The following NTRK3 variants were observed in gnomAD, a reference collection of about 807,000 sequenced individuals.
NTRK3 encodes neurotrophic receptor tyrosine kinase 3.
In NTRK3, 24 loss-of-function variants were observed where a neutral mutation model predicts 91.7. The observed-to-expected ratio is 0.26, with a 90% confidence interval of 0.19 to 0.37. The LOEUF (loss-of-function observed/expected upper bound fraction) is 0.37, where lower values mean the gene tolerates loss of function less well. Ranked by LOEUF, NTRK3 falls within the 10% of genes least tolerant of loss-of-function variation. The probability of loss-of-function intolerance (pLI) is 1.00; values close to 1 mark genes in which losing one functional copy is unlikely to be tolerated. For synonymous variants in NTRK3, 483 were observed against 404.0 expected, an observed-to-expected ratio of 1.20 and a Z score of -2.34; for missense variants, 880 against 1,068.9, an observed-to-expected ratio of 0.82 and a Z score of 2.46.
chr15:87,929,117 T>C (rs765879860), intron 17 of NTRK3, 74 bp downstream of exon 17: 6 of 1,611,302 alleles, frequency 3.7e-6, no homozygotes, highest in Non-Finnish European at 5.1e-6. Context: ...ACAGGGTTAA[T>C]GGACAATGAA....
intron 13 of NTRK3, among the ~76,000 whole-genome samples, chr15:88,094,294 A>G (rs188491638): frequency 0.016 from 2,482 of 151,494 alleles, 47 homozygotes; most frequent in African/African-American, 0.053. Flanking sequence ...GTGAAACCCC[A>G]TCTCTACTAA....
At chr15:87,860,444 C>A in exon 19 of NTRK3, 1 of 218,424 alleles carries the variant, frequency 4.6e-6, no homozygotes, top group African/African-American at 2.2e-5. Flanking sequence ...TGAGAACACA[C>A]CCCTCTAACC....
chr15:88,107,857 G>A (rs1439131337), intron 13 of NTRK3, among the ~76,000 whole-genome samples: 3 of 152,026 alleles, frequency 2.0e-5, no homozygotes, highest in Admixed American at 1.3e-4. Context: ...ACTGGAAGTG[G>A]TCACTACCTG....
intron 13 of NTRK3, among the ~76,000 whole-genome samples, chr15:88,067,620 G>A (rs2046766298): frequency 6.6e-6 from 1 of 152,198 alleles, no homozygotes; most frequent in Non-Finnish European, 1.5e-5. Flanking sequence ...GGTCAGAGAG[G>A]ACGTGGGAGG....
In NTRK3 at chr15:88,022,578, G is replaced by C. The variant is rs544484564; in HGVS notation, c.1585+10279C>G. Among the ~76,000 whole-genome samples, 43 of 152,232 alleles carry C rather than the reference G, an allele frequency of 2.8e-4. No individual in the cohort carries two copies. In the East Asian group the frequency reaches 7.7e-3, roughly 27 times the overall value. ...GAAGACAAGACTGAAGCCAAAACAT[G>C]CCAGGAAGACAAGTAGTCCTTCTGT... On this transcript the variant is annotated intron_variant, in intron 14 of 18. Coordinates refer to ENST00000394480, the Ensembl canonical transcript of NTRK3.
chr15:88,073,782 C>T (rs1459670318), intron 13 of NTRK3, among the ~76,000 whole-genome samples: 2 of 151,976 alleles, frequency 1.3e-5, no homozygotes, highest in Admixed American at 6.6e-5. Flanking sequence ...GCAACACCCC[C>T]CCGCCCCACC....
chr15:88,254,970 C>T (rs915719901), intron 3 of NTRK3, among the ~76,000 whole-genome samples: 1 of 152,156 alleles, frequency 6.6e-6, no homozygotes, highest in Non-Finnish European at 1.5e-5. Context: ...CTCTCCTTTG[C>T]GTCTGCTGCC....
chr15:88,098,330 C>A (rs1314092511), intron 13 of NTRK3, among the ~76,000 whole-genome samples: 2 of 152,190 alleles, frequency 1.3e-5, no homozygotes, highest in Admixed American at 6.5e-5. Flanking sequence ...TAGCATCTAC[C>A]AAAATCTCCC....
intron 5 of NTRK3, among the ~76,000 whole-genome samples, chr15:88,163,406 T>C (rs1349291113): frequency 6.6e-6 from 1 of 152,212 alleles, no homozygotes; most frequent in African/African-American, 2.4e-5. Flanking sequence ...ATCCCTCCTC[T>C]GAGAAGCCTT....
chr15:87,948,620 G>A (rs958776297), intron 14 of NTRK3, among the ~76,000 whole-genome samples: 8 of 152,318 alleles, frequency 5.3e-5, no homozygotes, highest in East Asian at 1.9e-4. Flanking sequence ...CCTGGGAGGC[G>A]GAGATTGTGG....
intron 13 of NTRK3, among the ~76,000 whole-genome samples, chr15:88,100,768 C>G (rs1037807310): frequency 6.6e-6 from 1 of 152,022 alleles, no homozygotes; most frequent in African/African-American, 2.4e-5. Flanking sequence ...AATGGGGAAA[C>G]GATTCCCTAT....
At chr15:88,150,752 A>G (rs2043297833) in intron 5 of NTRK3, among the ~76,000 whole-genome samples, 1 of 152,170 alleles carries the variant, frequency 6.6e-6, no homozygotes, top group African/African-American at 2.4e-5. Context: ...CCCCAGAAAA[A>G]AACTTATACA....
chr15:88,135,892 C>T lies in NTRK3; in HGVS notation c.907+7G>A, dbSNP rs770519191. ...CACAGCCATCCCCCACAATAACATG[C>T]ACTTACAGTAGACAGTGAGGGCAAC... On this transcript the variant is annotated splice_region_variant and intron_variant, in intron 9 of 18. Coordinates refer to ENST00000394480, the Ensembl canonical transcript of NTRK3. The T allele has an allele frequency of 6.2e-7, 1 of 1,614,090 alleles. No homozygotes were observed. Among genetic ancestry groups the T allele is most frequent in the Non-Finnish European group, 8.5e-7 (1 of 1,179,970 alleles).
rs2054051148 is a variant in NTRK3 at position 88,256,264 on chromosome 15, G to A, written c.-16+20C>T. ...ACAAAGACGGCGAGGGAGGGGGGAAGGGGGAGGGGGGGCCTCTGCCTTTGA... is the reference window on the plus strand; with the variant it reads ...ACAAAGACGGCGAGGGAGGGGGGAAAGGGGAGGGGGGGCCTCTGCCTTTGA... On this transcript the variant is annotated intron_variant, in intron 2 of 18. Transcript: ENST00000394480. The A allele has an allele frequency of 2.9e-6, 1 of 349,548 alleles. No individual in the cohort carries two copies. Among genetic ancestry groups the A allele is most frequent in the Non-Finnish European group, 5.4e-6 (1 of 186,348 alleles). The allele number at this position is 349,548 out of a possible 1,614,324, so 21.7% of individuals were successfully genotyped here. A position where few individuals can be genotyped will look rare whatever the true frequency, so the allele number is the denominator to read the frequency against.
chr15:87,926,185 G>C (rs2068292002), intron 17 of NTRK3, among the ~76,000 whole-genome samples: 1 of 152,108 alleles, frequency 6.6e-6, no homozygotes, highest in Non-Finnish European at 1.5e-5. Context: ...CTTCCAATAT[G>C]GATAATAAGA....
At chr15:88,059,535 C>A (rs532191025) in intron 13 of NTRK3, among the ~76,000 whole-genome samples, 10 of 152,158 alleles carry the variant, frequency 6.6e-5, no homozygotes. Flanking sequence ...CACTCATATT[C>A]CACTCTGTGC....
At chr15:87,920,585 C>T (rs1443365472) in intron 17 of NTRK3, among the ~76,000 whole-genome samples, 1 of 152,240 alleles carries the variant, frequency 6.6e-6, no homozygotes, top group African/African-American at 2.4e-5. Flanking sequence ...GCCCTGTCCA[C>T]TTGCTATATG....
chr15:87,978,056 T>C (rs1057125653), intron 14 of NTRK3: 3 of 232,498 alleles, frequency 1.3e-5, no homozygotes, highest in African/African-American at 6.6e-5. Context: ...CTTCATACAA[T>C]GGAGGCCCCA....
intron 3 of NTRK3, among the ~76,000 whole-genome samples, chr15:88,196,592 G>A (rs1325176356): frequency 6.6e-6 from 1 of 152,206 alleles, no homozygotes; most frequent in Non-Finnish European, 1.5e-5. Context: ...ATTTCTGAAG[G>A]TTCCAGAGGG....
Sources: gnomAD v4.1 joint callset for allele counts (sites outside exome capture counted in the v4.1 genomes callset) on GRCh38, gnomAD v4.1.1 for gene constraint, MANE v1.5 for transcripts, NCBI Gene and HGNC (gene_info 2026-07-23, HGNC 2026-07-21) for gene names.